ULK4: variants seen among roughly 807,000 people sequenced by gnomAD.
ULK4 encodes the protein unc-51 like kinase 4.
ULK4 carries 133 observed loss-of-function variants against 160.6 expected under a neutral mutation model. The observed-to-expected ratio is 0.83, with a 90% CI of 0.72 to 0.96. ULK4 has a LOEUF of 0.96. Among genes scored for constraint, ULK4 ranks in the 40% least tolerant of loss-of-function variants. The pLI is 0.00. For missense variants in ULK4, 1,580 were observed against 1,499.5 expected, an observed-to-expected ratio of 1.05 and a Z score of -0.89; for synonymous variants, 534 against 539.8, an observed-to-expected ratio of 0.99 and a Z score of 0.15.
At chr3:41,380,198 A>ACAATTCAAAAGACAGG (rs1430880554) in intron 35 of ULK4, among the ~76,000 whole-genome samples, 1 of 152,194 alleles carries the variant, frequency 6.6e-6, no homozygotes, top group Non-Finnish European at 1.5e-5. Context: ...TGAAGACAAG[A>ACAATTCAAAAGACAGG]CAATTCAAAA....
intron 32 of ULK4, among the ~76,000 whole-genome samples, chr3:41,547,915 C>T (rs1002534505): frequency 2.0e-5 from 3 of 152,186 alleles, no homozygotes; most frequent in Admixed American, 6.5e-5. Context: ...CCAAAACATG[C>T]ACTCCTCAGA....
Position 41,655,574 on chromosome 3 carries a change from G to A in ULK4, c.3071+8033C>T, listed in dbSNP as rs140210796. Among the ~76,000 whole-genome samples, 4 of 152,226 alleles carry A rather than the reference G, an allele frequency of 2.6e-5. No individual in the cohort carries two copies. The East Asian group carries it at 5.8e-4, about 22-fold the overall frequency. ...TTTAAAAAATTATCTAGGTGTAGCA[G>A]CATGCATCTGTGGTCCCAGCTACTC... On this transcript the variant is annotated intron_variant, in intron 30 of 36. Transcript: ENST00000301831.
chr3:41,482,338 T>C (rs1402198914), intron 32 of ULK4, among the ~76,000 whole-genome samples: 2 of 152,068 alleles, frequency 1.3e-5, no homozygotes, highest in African/African-American at 4.8e-5. Flanking sequence ...ATTTTAACAT[T>C]TGAAAGCTGG....
At chr3:41,642,688 C>T (rs1234737333) in intron 30 of ULK4, among the ~76,000 whole-genome samples, 5 of 152,152 alleles carry the variant, frequency 3.3e-5, no homozygotes, top group African/African-American at 1.2e-4. Context: ...GATTTATAGT[C>T]CTTTGGGTAT....
At chr3:41,592,676 T>C (rs965978249) in intron 31 of ULK4, among the ~76,000 whole-genome samples, 1 of 152,254 alleles carries the variant, frequency 6.6e-6, no homozygotes, top group Non-Finnish European at 1.5e-5. Context: ...AACACTTTAG[T>C]ACACTGTAAT....
Position 41,673,154 on chromosome 3 carries a change from A to G in ULK4, c.2978+8354T>C, listed in dbSNP as rs535356895. 5.3e-5 allele frequency among the ~76,000 whole-genome samples: 8 copies of G among 152,190 alleles called. No homozygotes were observed. In the South Asian group the frequency reaches 1.5e-3, roughly 28 times the overall value. Reference sequence around the variant, plus strand: ...CATACCCAGCCAAAACTTTTTTTTAATTAAAAAAAATTATGTAAGCAAAGA... The same window carrying G: ...CATACCCAGCCAAAACTTTTTTTTAGTTAAAAAAAATTATGTAAGCAAAGA... On this transcript the variant is annotated intron_variant, in intron 29 of 36. Transcript: ENST00000301831.
At chr3:41,853,123 G>T (rs997659286) in intron 17 of ULK4, among the ~76,000 whole-genome samples, 2 of 152,186 alleles carry the variant, frequency 1.3e-5, no homozygotes, top group Non-Finnish European at 2.9e-5. Flanking sequence ...ATTTTAGGGT[G>T]CATCAGAATC....
Position 41,663,624 on chromosome 3 carries a change from G to A in ULK4, c.3054C>T (p.His1018=). Residue 1018 remains histidine, a synonymous_variant, in exon 30 of 37, where the codon CAC becomes CAT. Transcript: ENST00000301831. ...ALKLLVAMTE[H]NPTFTRLVEE... is the part of the protein sequence containing the mutation. ...TCCAGTACCTTGTGAAAGTTGGGTT[G>A]TGTTCAGTCATCGCGACTAGCAGTT... is the stretch of plus-strand genomic sequence containing the variant. 6.2e-7 allele frequency: 1 copy of A among 1,613,850 alleles called. No homozygotes were observed.
chr3:41,571,986 C>T (rs6773591), intron 31 of ULK4, among the ~76,000 whole-genome samples: 5,332 of 152,204 alleles, frequency 0.035, 301 homozygotes, highest in African/African-American at 0.12. Context: ...GCACTGATAA[C>T]GTATTGAGAA....
intron 27 of ULK4, among the ~76,000 whole-genome samples, chr3:41,693,358 A>G (rs72862183): frequency 0.068 from 10,396 of 152,244 alleles, 1,002 homozygotes; most frequent in African/African-American, 0.22. Flanking sequence ...TACCCTGAAG[A>G]TACACCTACA....
intron 27 of ULK4, among the ~76,000 whole-genome samples, chr3:41,686,798 T>G (rs948417431): frequency 6.6e-5 from 10 of 152,286 alleles, no homozygotes; most frequent in African/African-American, 2.4e-4. Flanking sequence ...GGAAACACAG[T>G]TAAGTATGAC....
chr3:41,466,478 C>T (rs1481104081), intron 32 of ULK4, among the ~76,000 whole-genome samples: 2 of 152,034 alleles, frequency 1.3e-5, no homozygotes, highest in African/African-American at 4.8e-5. Flanking sequence ...AAAGAGAGAT[C>T]CTTGACCATT....
At chr3:41,424,706 A>G (rs2082737301) in intron 34 of ULK4, among the ~76,000 whole-genome samples, 1 of 152,082 alleles carries the variant, frequency 6.6e-6, no homozygotes, top group African/African-American at 2.4e-5. Flanking sequence ...TATTAAAAGA[A>G]AAACAAACAA....
chr3:41,267,486 G>C lies in ULK4; in HGVS notation c.3679-17912C>G, dbSNP rs140454342. Among the ~76,000 whole-genome samples, 49 of 152,258 alleles carry C rather than the reference G, an allele frequency of 3.2e-4. No individual in the cohort carries two copies. The East Asian group carries it at 8.7e-3, about 27-fold the overall frequency. ...CTGCAATAAACATACGTGTGCATGT[G>C]TCTCTATAGTAGAATGACTTATATT... is the stretch of plus-strand genomic sequence containing the variant. On this transcript the variant is annotated intron_variant, in intron 35 of 36. Coordinates refer to ENST00000301831, the MANE Select transcript of ULK4 (RefSeq NM_017886.4).
chr3:41,534,181 TCAAA>T (rs1367559808), intron 32 of ULK4, among the ~76,000 whole-genome samples: 4 of 152,182 alleles, frequency 2.6e-5, no homozygotes, highest in African/African-American at 9.7e-5. Context: ...AAATACCAAC[TCAAA>T]CAGTTTAATA....
intron 15 of ULK4, among the ~76,000 whole-genome samples, chr3:41,895,771 T>C (rs1369817189): frequency 1.3e-5 from 2 of 152,122 alleles, no homozygotes; most frequent in African/African-American, 4.8e-5. Flanking sequence ...TTTTAGTTTC[T>C]CCTACCACTT....
intron 18 of ULK4, among the ~76,000 whole-genome samples, chr3:41,820,913 C>T (rs2041125589): frequency 6.6e-6 from 1 of 152,192 alleles, no homozygotes; most frequent in East Asian, 1.9e-4. Flanking sequence ...ATACCCTGGA[C>T]ATTATGATCA....
intron 32 of ULK4, among the ~76,000 whole-genome samples, chr3:41,486,324 A>G: frequency 6.6e-6 from 1 of 152,236 alleles, no homozygotes; most frequent in East Asian, 1.9e-4. Flanking sequence ...GCTTCATTCT[A>G]GAAATTTGTT....
At chr3:41,495,938 T>C (rs919090451) in intron 32 of ULK4, among the ~76,000 whole-genome samples, 2 of 151,946 alleles carry the variant, frequency 1.3e-5, no homozygotes, top group African/African-American at 4.8e-5. Context: ...TGAGAAAGCA[T>C]CCATAATATA....
Sources: allele counts gnomAD v4.1 joint callset (sites outside exome capture counted in the v4.1 genomes callset), GRCh38; gene constraint gnomAD v4.1.1; transcripts MANE v1.5; gene names NCBI Gene and HGNC (gene_info 2026-07-23, HGNC 2026-07-21).